Variants in VPS54 observed in about 807,000 individuals in gnomAD.
VPS54 encodes the protein VPS54 subunit of GARP complex.
In VPS54, 45 loss-of-function variants were observed where a neutral mutation model predicts 121.5. The ratio of observed to expected loss-of-function variants is 0.37; its 90% confidence interval spans 0.29 to 0.47. The LOEUF (loss-of-function observed/expected upper bound fraction) is 0.47, where lower values mean the gene tolerates loss of function less well. Among genes scored for constraint, VPS54 ranks in the 20% least tolerant of loss-of-function variants. The pLI is 0.99. For missense variants in VPS54, 1,090 were observed against 1,131.4 expected (o/e 0.96, Z 0.52); for synonymous variants, 371 against 385.8 (o/e 0.96, Z 0.45).
chr2:63,927,719 T>C lies in VPS54; in HGVS notation c.1739+5954A>G, dbSNP rs543320686. ...TCGGTAATAACAAACTTCTCTGAGC[T>C]AAAGGAGCATGTTCTAGCCCATTGC... On this transcript the variant is annotated intron_variant, in intron 12 of 22. Coordinates refer to ENST00000272322, the MANE Select transcript of VPS54 (RefSeq NM_016516.3). 2.0e-5 allele frequency among the ~76,000 whole-genome samples: 3 copies of C among 152,268 alleles called. No homozygotes were observed. In the South Asian group the frequency reaches 6.2e-4, roughly 32 times the overall value.
chr2:63,966,593 TA>T (rs1676013758), intron 5 of VPS54, among the ~76,000 whole-genome samples: 1 of 152,200 alleles, frequency 6.6e-6, no homozygotes, highest in African/African-American at 2.4e-5. Context: ...TATCCTTCCC[TA>T]ATCTATCCCC....
chr2:63,928,307 C>T (rs1048547811), intron 12 of VPS54, among the ~76,000 whole-genome samples: 2 of 152,204 alleles, frequency 1.3e-5, no homozygotes, highest in African/African-American at 4.8e-5. Context: ...AGACTAACAG[C>T]GGATGTCTCT....
rs1482086564 is a variant in VPS54 at position 63,934,369 on chromosome 2, A to G, written c.1399-356T>C. On this transcript the variant is annotated intron_variant, in intron 11 of 22. Coordinates refer to ENST00000272322, the MANE Select transcript of VPS54 (RefSeq NM_016516.3). ...TACATTGATATGCCTGTCTAAAAGA[A>G]AAGGAATCTGTGTTACTTACCATGC... Among the ~76,000 whole-genome samples, 3 of 152,192 alleles carry G rather than the reference A, an allele frequency of 2.0e-5. No homozygotes were observed. In the East Asian group the frequency reaches 5.8e-4, roughly 29 times the overall value.
Position 63,942,518 on chromosome 2 carries a change from C to A in VPS54, c.1345G>T (p.Asp449Tyr). 6.3e-7 allele frequency: 1 copy of A among 1,598,366 alleles called. No homozygotes were observed. Among genetic ancestry groups the A allele is most frequent in the South Asian group, 1.1e-5 (1 of 88,584 alleles). Residue 449 changes from aspartate to tyrosine, a missense_variant, in exon 11 of 23, where the codon GAT (aspartate) becomes TAT (tyrosine). Physicochemically the swap from Asp to Tyr is radical, Grantham distance 160. Transcript: ENST00000272322. ...MRMLNFPQWF[D>Y]LLKDIFSKFT... is the part of the protein sequence containing the mutation. ...TTAGAGAAAATATCCTTGAGCAGAT[C>A]AAACCACTGGGGAAAATTCAACATT...
At chr2:63,950,681 C>T (rs923875340) in intron 7 of VPS54, among the ~76,000 whole-genome samples, 2 of 152,170 alleles carry the variant, frequency 1.3e-5, no homozygotes, top group African/African-American at 4.8e-5. Flanking sequence ...TGATCAGAAA[C>T]CTGACTTCAT....
At chr2:64,011,197 C>G (rs1406981090) in intron 1 of VPS54, among the ~76,000 whole-genome samples, 1 of 152,046 alleles carries the variant, frequency 6.6e-6, no homozygotes, top group Non-Finnish European at 1.5e-5. Context: ...CTTTTTAAGT[C>G]TAGATATTAT....
chr2:63,968,853 G>A (rs1676136426), intron 5 of VPS54, 104 bp downstream of exon 5: 7 of 928,986 alleles, frequency 7.5e-6, no homozygotes, highest in South Asian at 1.5e-5. Flanking sequence ...AGACAAAGTA[G>A]CCAAAGGGTC....
At chr2:63,974,916 CTTTTCT>C (rs1025551088) in intron 3 of VPS54, 23 of 1,423,234 alleles carry the variant, frequency 1.6e-5, no homozygotes, top group African/African-American at 2.9e-5. Flanking sequence ...ATTTTATTTC[CTTTTCT>C]TATTACATTA....
chr2:63,954,768 G>A (rs1402224605), intron 7 of VPS54, among the ~76,000 whole-genome samples: 1 of 151,968 alleles, frequency 6.6e-6, no homozygotes, highest in African/African-American at 2.4e-5. Flanking sequence ...ATCAATTACA[G>A]AGAATATAGG....
At chr2:63,993,881 C>T (rs1239669932) in intron 1 of VPS54, among the ~76,000 whole-genome samples, 1 of 152,148 alleles carries the variant, frequency 6.6e-6, no homozygotes, top group Non-Finnish European at 1.5e-5. Flanking sequence ...TATTTCTACC[C>T]CTTATACCTC....
chr2:63,937,935 G>A (rs1674525153), intron 11 of VPS54, among the ~76,000 whole-genome samples: 1 of 152,112 alleles, frequency 6.6e-6, no homozygotes, highest in South Asian at 2.1e-4. Context: ...CCACTTATAT[G>A]AAATACCTAA....
At position 63,982,015 on chromosome 2, in the gene VPS54, T is replaced by C. The variant is rs147624664; in HGVS notation, c.137-128A>G. On this transcript the variant is annotated intron_variant, in intron 2 of 22. Coordinates refer to ENST00000272322, the MANE Select transcript of VPS54 (RefSeq NM_016516.3). ...AAACCAACTAATCTTCCACAGTAAA[T>C]GATTTAATAAAAATCAATCTGATTG... is the stretch of plus-strand genomic sequence containing the variant. 47 of 1,020,458 alleles carry C rather than the reference T, an allele frequency of 4.6e-5. No homozygotes were observed. In the African/African-American group the frequency reaches 6.9e-4, roughly 15 times the overall value. The allele number at this position is 1,020,458 out of a possible 1,614,324, so 63.2% of individuals were successfully genotyped here.
intron 7 of VPS54, among the ~76,000 whole-genome samples, chr2:63,954,082 A>G (rs35697586): frequency 6.6e-6 from 1 of 152,134 alleles, no homozygotes. Flanking sequence ...AGTAGCAAGA[A>G]CATGCCTACT....
intron 11 of VPS54, among the ~76,000 whole-genome samples, chr2:63,942,105 T>A (rs949298979): frequency 2.6e-5 from 4 of 151,340 alleles, no homozygotes; most frequent in African/African-American, 9.7e-5. Flanking sequence ...CACCATTATA[T>A]CAACATTGAC....
intron 12 of VPS54, among the ~76,000 whole-genome samples, chr2:63,926,179 T>A (rs1673892434): frequency 1.3e-5 from 2 of 152,198 alleles, no homozygotes; most frequent in Non-Finnish European, 2.9e-5. Flanking sequence ...AACAGCCACC[T>A]TAGACACAGA....
intron 7 of VPS54, among the ~76,000 whole-genome samples, chr2:63,953,047 T>C (rs917969246): frequency 2.0e-5 from 3 of 149,780 alleles, no homozygotes; most frequent in Admixed American, 1.3e-4. Context: ...CATACAGCTA[T>C]AGAGCAGTTT....
Position 63,949,140 on chromosome 2 carries a change from T to G in VPS54, c.1034A>C (p.Glu345Ala), listed in dbSNP as rs767947176. Reference sequence around the variant, plus strand: ...CATTTTATCTATCAGTTTTTCTAATTCACAAAGCTGTGATCCCAAATGCCT... The same window carrying G: ...CATTTTATCTATCAGTTTTTCTAATGCACAAAGCTGTGATCCCAAATGCCT... The part of the protein sequence containing the change: ...SFRHLGSQLC[E>A]LEKLIDKMMI... Residue 345 changes from glutamate to alanine, a missense_variant, in exon 8 of 23, where the codon GAA (glutamate) becomes GCA (alanine). Physicochemically the swap from Glu to Ala is moderately radical, Grantham distance 107 (BLOSUM62 -1). This residue lies in a region of VPS54 where 801 missense variants were observed against 757.0 expected (regional missense o/e 1.06). Coordinates refer to ENST00000272322, the MANE Select transcript of VPS54 (RefSeq NM_016516.3). 1 of 1,610,540 alleles carries G rather than the reference T, an allele frequency of 6.2e-7. No individual in the cohort carries two copies. Among genetic ancestry groups the G allele is most frequent in the East Asian group, 2.2e-5 (1 of 44,754 alleles).
chr2:63,989,864 G>T (rs1443388417), intron 1 of VPS54, among the ~76,000 whole-genome samples: 2 of 152,158 alleles, frequency 1.3e-5, no homozygotes, highest in Admixed American at 1.3e-4. Flanking sequence ...CTTAGATGTG[G>T]ACCTGTTAAA....
intron 12 of VPS54, among the ~76,000 whole-genome samples, chr2:63,931,593 G>A (rs1674207719): frequency 6.6e-6 from 1 of 152,132 alleles, no homozygotes; most frequent in South Asian, 2.1e-4. Flanking sequence ...ACATAGGCAT[G>A]GGCAAAGACT....
Sources: gnomAD v4.1 joint callset for allele counts (sites outside exome capture counted in the v4.1 genomes callset) on GRCh38, gnomAD v4.1.1 for gene constraint, gnomAD v4.1.1 regional missense constraint, MANE v1.5 for transcripts, NCBI Gene and HGNC (gene_info 2026-07-23, HGNC 2026-07-21) for gene names.